EBF1: variants seen among roughly 807,000 people sequenced by gnomAD.
EBF1 encodes transcription factor COE1.
In EBF1, 10 loss-of-function variants were observed where a neutral mutation model predicts 68.4. That is an observed-to-expected ratio of 0.15 (90% CI 0.09 to 0.25). The LOEUF is 0.25. EBF1 is among the 10% of genes least tolerant of loss of function. EBF1 has a pLI of 1.00. For missense variants in EBF1, 509 were observed against 794.4 expected (o/e 0.64, Z 4.32); for synonymous variants, 298 against 299.8 (o/e 0.99, Z 0.06).
At chr5:159,092,217 G>GTTT (rs1781771684) in intron 4 of EBF1, among the ~76,000 whole-genome samples, 1 of 152,080 alleles carries the variant, frequency 6.6e-6, no homozygotes, top group Non-Finnish European at 1.5e-5. Flanking sequence ...GGTCCTACAG[G>GTTT]GCATTCTGCA....
intron 4 of EBF1, among the ~76,000 whole-genome samples, chr5:159,088,011 G>A (rs10037730): frequency 0.044 from 6,693 of 152,152 alleles, 282 homozygotes; most frequent in African/African-American, 0.11. Flanking sequence ...TGAAATAAAA[G>A]CAAGTGAAAC....
chr5:158,755,457 A>G (rs1769870743), intron 10 of EBF1, among the ~76,000 whole-genome samples: 1 of 152,032 alleles, frequency 6.6e-6, no homozygotes, highest in South Asian at 2.1e-4. Context: ...CCTGTCTCCT[A>G]TTTTATCTTA....
chr5:158,737,266 A>ATTTTTTTTTTTTTTTTTTTTTT (rs61380054), intron 10 of EBF1, among the ~76,000 whole-genome samples: 1 of 55,600 alleles, frequency 1.8e-5, no homozygotes, highest in African/African-American at 8.0e-5. Context: ...ACATGCCCTG[A>ATTTTTTTTTTTTTTTTTTTTTT]TTTTTTTTTT....
chr5:158,901,387 C>G (rs1803286389), intron 6 of EBF1, among the ~76,000 whole-genome samples: 1 of 152,190 alleles, frequency 6.6e-6, no homozygotes, highest in Non-Finnish European at 1.5e-5. Flanking sequence ...TCCATGACAG[C>G]AGGGATAGTG....
At chr5:158,712,472 T>A in intron 13 of EBF1, 139 bp from the exon 14 acceptor site, 1 of 905,218 alleles carries the variant, frequency 1.1e-6, no homozygotes. Context: ...TTCATGTGCG[T>A]GGGTTGGTGG....
chr5:159,070,806 G>T (rs1777663593), intron 6 of EBF1, among the ~76,000 whole-genome samples: 2 of 152,188 alleles, frequency 1.3e-5, no homozygotes, highest in African/African-American at 4.8e-5. Context: ...GCTACTGAAT[G>T]CAGGCCTCAT....
chr5:158,999,321 T>C (rs558707407), intron 6 of EBF1, among the ~76,000 whole-genome samples: 2 of 152,356 alleles, frequency 1.3e-5, no homozygotes, highest in South Asian at 2.1e-4. Context: ...CAAATTTTCT[T>C]CACTTCAACC....
At chr5:158,760,980 A>C (rs917732655) in intron 10 of EBF1, among the ~76,000 whole-genome samples, 16 of 152,306 alleles carry the variant, frequency 1.1e-4, no homozygotes, top group African/African-American at 2.6e-4. Flanking sequence ...TGCCTTGTTT[A>C]AAGCACGTCA....
At chr5:158,776,548 C>G (rs1196267573) in intron 10 of EBF1, among the ~76,000 whole-genome samples, 2 of 152,094 alleles carry the variant, frequency 1.3e-5, no homozygotes, top group African/African-American at 4.8e-5. Flanking sequence ...TGGTCTTTTA[C>G]TGAATGGAAA....
intron 6 of EBF1, among the ~76,000 whole-genome samples, chr5:158,886,973 G>C (rs2128101403): frequency 6.6e-6 from 1 of 152,290 alleles, no homozygotes; most frequent in East Asian, 1.9e-4. Flanking sequence ...TTGCACTCCA[G>C]CCTGGGCAAC....
intron 10 of EBF1, among the ~76,000 whole-genome samples, chr5:158,748,816 G>A (rs1411438214): frequency 6.6e-6 from 1 of 152,194 alleles, no homozygotes; most frequent in African/African-American, 2.4e-5. Flanking sequence ...TACCAGTTAA[G>A]CAGGCTTCAA....
chr5:158,892,517 T>C (rs1056870033), intron 6 of EBF1, among the ~76,000 whole-genome samples: 1 of 152,130 alleles, frequency 6.6e-6, no homozygotes, highest in African/African-American at 2.4e-5. Flanking sequence ...CTCCAAAATA[T>C]GAGCTTAAGT....
chr5:158,860,658 C>G (rs1242499837), intron 6 of EBF1, among the ~76,000 whole-genome samples: 1 of 152,192 alleles, frequency 6.6e-6, no homozygotes, highest in African/African-American at 2.4e-5. Context: ...CCAACGTGGT[C>G]AGCTTGAATT....
chr5:158,864,714 GAGA>G (rs1319280390), intron 6 of EBF1, among the ~76,000 whole-genome samples: 4 of 152,212 alleles, frequency 2.6e-5, no homozygotes, highest in African/African-American at 9.7e-5. Flanking sequence ...AAGGGGAGAA[GAGA>G]AGATCTTGGA....
chr5:158,708,095 AAGG>A lies in EBF1; in HGVS notation c.1625_1627del (p.Ser542del), dbSNP rs1191490627. Reference sequence around the variant, plus strand: ...GGCTGAGACCATGTTGGCTGGTGAGAAGGAGAAGATGCCCGAGGAGCTGCTGCA... The same window carrying A: ...GGCTGAGACCATGTTGGCTGGTGAGAAGAAGATGCCCGAGGAGCTGCTGCA... On this transcript the variant is annotated inframe_deletion, in exon 15 of 16. Coordinates refer to ENST00000313708, the MANE Select transcript of EBF1 (RefSeq NM_024007.5). 2.5e-6 allele frequency: 4 copies of A among 1,582,934 alleles called. No individual in the cohort carries two copies. Among genetic ancestry groups the A allele is most frequent in the East Asian group, 2.3e-5 (1 of 43,734 alleles).
chr5:158,846,995 C>T (rs988104645), intron 6 of EBF1, among the ~76,000 whole-genome samples: 1 of 152,108 alleles, frequency 6.6e-6, no homozygotes, highest in African/African-American at 2.4e-5. Flanking sequence ...GGAATGGTAC[C>T]GAGTTGTGGC....
chr5:159,048,273 T>C (rs748206264), intron 6 of EBF1, among the ~76,000 whole-genome samples: 1 of 152,132 alleles, frequency 6.6e-6, no homozygotes, highest in Non-Finnish European at 1.5e-5. Flanking sequence ...CTATCAAGCT[T>C]CCCTCCCCAT....
At chr5:159,051,020 T>C (rs1241191724) in intron 6 of EBF1, among the ~76,000 whole-genome samples, 4 of 152,104 alleles carry the variant, frequency 2.6e-5, no homozygotes, top group Admixed American at 2.6e-4. Context: ...ACAGCAATTA[T>C]ACGAATGTTA....
intron 6 of EBF1, among the ~76,000 whole-genome samples, chr5:158,854,790 T>C (rs1263080340): frequency 6.6e-6 from 1 of 152,224 alleles, no homozygotes; most frequent in Non-Finnish European, 1.5e-5. Flanking sequence ...CTACATTTAA[T>C]GGGAGGACCC....
Sources: gnomAD v4.1 joint callset for allele counts (sites outside exome capture counted in the v4.1 genomes callset) on GRCh38, gnomAD v4.1.1 for gene constraint, MANE v1.5 for transcripts, NCBI Gene and HGNC (gene_info 2026-07-23, HGNC 2026-07-21) for gene names.